The following TSPAN17 variants were observed in gnomAD, a reference collection of about 807,000 sequenced individuals.
TSPAN17 encodes the protein tetraspanin 17.
TSPAN17 carries 33 observed loss-of-function variants against 40.5 expected under a neutral mutation model. The observed-to-expected ratio is 0.81, with a 90% CI of 0.62 to 1.09. The LOEUF is 1.09. Ranked by LOEUF, TSPAN17 falls within the 50% of genes least tolerant of loss-of-function variation. The pLI is 0.00. For synonymous variants in TSPAN17, 166 were observed against 169.4 expected, an observed-to-expected ratio of 0.98 and a Z score of 0.15; for missense variants, 365 against 416.8, an observed-to-expected ratio of 0.88 and a Z score of 1.08.
At chr5:176,648,475 A>G (rs1352505465) in intron 1 of TSPAN17, among the ~76,000 whole-genome samples, 4 of 152,142 alleles carry the variant, frequency 2.6e-5, no homozygotes, top group African/African-American at 9.7e-5. Context: ...CATCTCTCCA[A>G]AGCCGTGGCC....
Position 176,658,167 on chromosome 5 carries a change from A to G in TSPAN17, c.*469A>G, listed in dbSNP as rs748743. 0.76 allele frequency: 117,437 copies of G among 154,008 alleles called. 45,046 individuals carry two copies. Among genetic ancestry groups the G allele is most frequent in the Admixed American group, 0.82 (12,717 of 15,564 alleles). 9.5% of individuals were successfully genotyped at this position (154,008 alleles called of 1,614,324 possible). On this transcript the variant is annotated 3_prime_UTR_variant, in exon 9 of 9. Transcript: ENST00000508164. Reference sequence around the variant, plus strand: ...CCTAGGAGTCAAGTTCAGCATCTTCACCGTGGCTGCAGAGCTGCCTGATGG... The same window carrying G: ...CCTAGGAGTCAAGTTCAGCATCTTCGCCGTGGCTGCAGAGCTGCCTGATGG...
Position 176,656,829 on chromosome 5 carries a change from C to T in TSPAN17, c.747+13C>T. ...CGCCCTCCTCCAGGTACCCTTGTGG[C>T]CCCACGTGCCCCTCCCCTTGCCGGG... On this transcript the variant is annotated intron_variant, in intron 7 of 8. Coordinates refer to ENST00000508164, the MANE Select transcript of TSPAN17 (RefSeq NM_130465.5). The T allele has an allele frequency of 1.9e-6, 3 of 1,614,106 alleles. No homozygotes were observed. The highest frequency in any genetic ancestry group is 2.7e-5 in the African/African-American group (2 of 75,064).
At position 176,652,854 on chromosome 5, in the gene TSPAN17, G is replaced by T; in HGVS notation, c.397G>T (p.Val133Phe). 1 of 1,614,170 alleles carries T rather than the reference G, an allele frequency of 6.2e-7. No individual in the cohort carries two copies. Among genetic ancestry groups the T allele is most frequent in the Non-Finnish European group, 8.5e-7 (1 of 1,180,022 alleles). Residue 133 changes from valine to phenylalanine, a missense_variant, in exon 4 of 9, where the codon GTC becomes TTC. By Grantham distance (50) the Val-to-Phe change is conservative. Coordinates refer to ENST00000508164, the MANE Select transcript of TSPAN17 (RefSeq NM_130465.5). ...DQLNLFINNN[V>F]KAYRDDIDLQ... ...GCTCAACCTCTTCATCAACAACAAC[G>T]TCAAGGCCTACCGGGACGACATTGA... is the stretch of plus-strand genomic sequence containing the variant.
At position 176,650,688 on chromosome 5, in the gene TSPAN17, A is replaced by AG. The variant is rs1760932735; in HGVS notation, c.88-926dup. On this transcript the variant is annotated intron_variant, in intron 1 of 8. Transcript: ENST00000508164. The surrounding 1 kb of genome is among the most constrained non-coding windows in gnomAD (Gnocchi z 4.0). ...GGGGAGCCCACGGTCAGGGAAGGGA[A>AG]GGTGATAAAGGCCTTGGCCGTGGCT... is the stretch of plus-strand genomic sequence containing the variant. 6.6e-6 allele frequency among the ~76,000 whole-genome samples: 1 copy of AG among 152,148 alleles called. No homozygotes were observed. The highest frequency in any genetic ancestry group is 2.4e-5 in the African/African-American group (1 of 41,446).
At position 176,654,920 on chromosome 5, in the gene TSPAN17, C is replaced by T. The variant is rs372554386; in HGVS notation, c.482C>T (p.Pro161Leu). Residue 161 changes from proline (P) to leucine (L), a missense_variant, in exon 5 of 9, where the codon CCC becomes CTC. Physicochemically the swap from Pro to Leu is moderately conservative, Grantham distance 98. Coordinates refer to ENST00000508164, the MANE Select transcript of TSPAN17 (RefSeq NM_130465.5). This position sits in a 1 kb window ranked among gnomAD's most constrained non-coding sequence, Gnocchi z 4.3. ...EYWSCCGARG[P>L]NDWNLNIYFN... Reference sequence around the variant, plus strand: ...TGGTCTTGCTGCGGAGCCCGAGGCCCCAATGACTGGAACCTCAATATCTAC... The same window carrying T: ...TGGTCTTGCTGCGGAGCCCGAGGCCTCAATGACTGGAACCTCAATATCTAC... 7.4e-6 allele frequency: 12 copies of T among 1,613,818 alleles called. No individual in the cohort carries two copies. In the African/African-American group the frequency reaches 1.6e-4, roughly 22 times the overall value.
rs1326284598 is a variant in TSPAN17 at position 176,651,268 on chromosome 5, G to A, written c.88-348G>A. 6.6e-6 allele frequency among the ~76,000 whole-genome samples: 1 copy of A among 152,190 alleles called. No individual in the cohort carries two copies. The highest frequency in any genetic ancestry group is 1.9e-4 in the East Asian group (1 of 5,194). Reference sequence around the variant, plus strand: ...GGAACCCCAGCACCAGCTTCGGTCAGGTGTAGAGGCTCAGTATACTGGCGC... The same window carrying A: ...GGAACCCCAGCACCAGCTTCGGTCAAGTGTAGAGGCTCAGTATACTGGCGC... On this transcript the variant is annotated intron_variant, in intron 1 of 8. Transcript: ENST00000508164. The surrounding 1 kb of genome is among the most constrained non-coding windows in gnomAD (Gnocchi z 4.5).
At position 176,655,408 on chromosome 5, in the gene TSPAN17, G is replaced by A. The variant is rs545282909; in HGVS notation, c.582+388G>A. Among the ~76,000 whole-genome samples, 97 of 152,300 alleles carry A rather than the reference G, an allele frequency of 6.4e-4. No individual in the cohort carries two copies. In the South Asian group the frequency reaches 0.012, roughly 18 times the overall value. On this transcript the variant is annotated intron_variant, in intron 5 of 8. Coordinates refer to ENST00000508164, the MANE Select transcript of TSPAN17 (RefSeq NM_130465.5). ...GGGTTGCCTGGGTCATTGCCAGCCA[G>A]CACCCCACTGGGCCACCGTTGCAGG... is the stretch of plus-strand genomic sequence containing the variant.
chr5:176,656,114 C>T lies in TSPAN17; in HGVS notation c.619C>T (p.Arg207Trp), dbSNP rs574200061. The change falls in exon 6 of 9, where the codon CGG becomes TGG. Residue 207 changes from arginine to tryptophan, a missense_variant. Coordinates refer to ENST00000508164, the MANE Select transcript of TSPAN17 (RefSeq NM_130465.5). ...CAACACCCAGTGTGGCTACGACGTC[C>T]GGCTCAAACTGGTGAGAGGGGTAGG... ...VLNTQCGYDV[R>W]LKLELEQQGF... is the part of the protein sequence containing the mutation. The T allele has an allele frequency of 1.7e-5, 28 of 1,614,134 alleles. No homozygotes were observed. Among genetic ancestry groups the T allele is most frequent in the East Asian group, 6.7e-5 (3 of 44,872 alleles).
At position 176,655,460 on chromosome 5, in the gene TSPAN17, C is replaced by G. The variant is rs115991845; in HGVS notation, c.582+440C>G. Among the ~76,000 whole-genome samples, 1,395 of 152,262 alleles carry G rather than the reference C, an allele frequency of 9.2e-3. 18 individuals are homozygous for G. The highest frequency in any genetic ancestry group is 0.029 in the African/African-American group (1,206 of 41,536). ...TAGCAGGGAGTGGGGACCTCTGTCCCTTTACGACTTTCTTCAGGGCAGAAA... is the reference window on the plus strand; with the variant it reads ...TAGCAGGGAGTGGGGACCTCTGTCCGTTTACGACTTTCTTCAGGGCAGAAA... On this transcript the variant is annotated intron_variant, in intron 5 of 8. Transcript: ENST00000508164.
At position 176,651,522 on chromosome 5, in the gene TSPAN17, C is replaced by T. The variant is rs952205417; in HGVS notation, c.88-94C>T. 1 of 1,381,408 alleles carries T rather than the reference C, an allele frequency of 7.2e-7. No homozygotes were observed. Among genetic ancestry groups the T allele is most frequent in the African/African-American group, 1.5e-5 (1 of 68,634 alleles). 85.6% of individuals were successfully genotyped at this position (1,381,408 alleles called of 1,614,324 possible). ...TCACAGCCCTTGTGCCTCTTCCTCT[C>T]TCCGCTGGAAAGGCCCTGGCTACCG... On this transcript the variant is annotated intron_variant, in intron 1 of 8. Transcript: ENST00000508164. The surrounding 1 kb of genome is among the most constrained non-coding windows in gnomAD (Gnocchi z 4.5).
At position 176,651,850 on chromosome 5, in the gene TSPAN17, T is replaced by C; in HGVS notation, c.235T>C (p.Phe79Leu). The change falls in exon 3 of 9, where the codon TTT (phenylalanine) becomes CTT (leucine). Residue 79 changes from phenylalanine (F) to leucine (L), a missense_variant. By Grantham distance (22) the Phe-to-Leu change is conservative. Transcript: ENST00000508164. The surrounding 1 kb of genome is among the most constrained non-coding windows in gnomAD (Gnocchi z 4.5). ...VVGGVMSVLG[F>L]AGCIGALREN... The stretch of plus-strand genomic sequence containing the variant: ...TGGAGGCGTCATGTCGGTGCTGGGC[T>C]TTGCTGGCTGCATTGGGGCCCTCCG... The C allele has an allele frequency of 6.2e-7, 1 of 1,614,106 alleles. No individual in the cohort carries two copies. The highest frequency in any genetic ancestry group is 8.5e-7 in the Non-Finnish European group (1 of 1,180,012).
chr5:176,657,746 C>T lies in TSPAN17; in HGVS notation c.*48C>T. 2.0e-6 allele frequency: 3 copies of T among 1,524,560 alleles called. No individual in the cohort carries two copies. The highest frequency in any genetic ancestry group is 2.6e-6 in the Non-Finnish European group (3 of 1,140,466). 94.4% of individuals were successfully genotyped at this position (1,524,560 alleles called of 1,614,324 possible). On this transcript the variant is annotated 3_prime_UTR_variant, in exon 9 of 9. Transcript: ENST00000508164. ...CACAGCTTCTCTTGAAGAATGACCA[C>T]CTGGCTACGCCGGCTCTTCGGTGGC...
chr5:176,651,839 C>G lies in TSPAN17; in HGVS notation c.224C>G (p.Ser75Trp). The G allele has an allele frequency of 6.2e-7, 1 of 1,614,086 alleles. No homozygotes were observed. The highest frequency in any genetic ancestry group is 1.3e-5 in the African/African-American group (1 of 75,020). Residue 75 changes from serine to tryptophan, a missense_variant, in exon 3 of 9, where the codon TCG (serine) becomes TGG (tryptophan). Coordinates refer to ENST00000508164, the MANE Select transcript of TSPAN17 (RefSeq NM_130465.5). The surrounding 1 kb of genome is among the most constrained non-coding windows in gnomAD (Gnocchi z 4.5). Reference protein sequence around the residue: ...WLFVVVGGVMSVLGFAGCIGA... With the variant: ...WLFVVVGGVMWVLGFAGCIGA... Reference sequence around the variant, plus strand: ...TTTGTGGTAGTTGGAGGCGTCATGTCGGTGCTGGGCTTTGCTGGCTGCATT... The same window carrying G: ...TTTGTGGTAGTTGGAGGCGTCATGTGGGTGCTGGGCTTTGCTGGCTGCATT...
At chr5:176,655,795 C>T (rs997878240) in intron 5 of TSPAN17, among the ~76,000 whole-genome samples, 2 of 150,382 alleles carry the variant, frequency 1.3e-5, no homozygotes, top group African/African-American at 4.9e-5. Flanking sequence ...TAGCTACTTG[C>T]GAGGCTGAGG....
In TSPAN17 at chr5:176,657,518, G is replaced by T; in HGVS notation, c.810G>T (p.Trp270Cys). The change falls in exon 9 of 9, where the codon TGG becomes TGT. Residue 270 changes from tryptophan to cysteine, a missense_variant and splice_region_variant. Coordinates refer to ENST00000508164, the MANE Select transcript of TSPAN17 (RefSeq NM_130465.5). ...TTTCTTTCTCTTGCTTGCCTCTCAG[G>T]AGCAAATGGAATGATGACTTTGAAA... ...VSDIKAVKAN[W>C]SKWNDDFENH... The T allele has an allele frequency of 1.3e-6, 2 of 1,578,594 alleles. No individual in the cohort carries two copies. The highest frequency in any genetic ancestry group is 1.1e-5 in the South Asian group (1 of 87,416).
intron 1 of TSPAN17, among the ~76,000 whole-genome samples, chr5:176,649,042 C>T (rs1217758111): frequency 3.3e-5 from 5 of 152,052 alleles, no homozygotes; most frequent in Non-Finnish European, 5.9e-5. Flanking sequence ...GTTGCTGGGG[C>T]GGAGCGTGGG....
chr5:176,657,884 A>G lies in TSPAN17; in HGVS notation c.*186A>G, dbSNP rs553591432. The G allele has an allele frequency of 0.01, 11,604 of 1,142,806 alleles. 91 individuals are homozygous for G. Among genetic ancestry groups the G allele is most frequent in the Non-Finnish European group, 0.012 (10,283 of 847,464 alleles). 70.8% of individuals were successfully genotyped at this position (1,142,806 alleles called of 1,614,324 possible). On this transcript the variant is annotated 3_prime_UTR_variant, in exon 9 of 9. Transcript: ENST00000508164. Reference sequence around the variant, plus strand: ...CTAGGAGCTGGCCTCCCACCTCTGCAGGGTTATTCCCTGCACCTCGAGGCC... The same window carrying G: ...CTAGGAGCTGGCCTCCCACCTCTGCGGGGTTATTCCCTGCACCTCGAGGCC...
chr5:176,649,014 C>T (rs922401630), intron 1 of TSPAN17, among the ~76,000 whole-genome samples: 31 of 152,002 alleles, frequency 2.0e-4, no homozygotes, highest in East Asian at 7.7e-4. Flanking sequence ...GGGGAGCAGG[C>T]GTGAGAGACC....
rs375739201 is a variant in TSPAN17 at position 176,650,733 on chromosome 5, C to T, written c.88-883C>T. Among the ~76,000 whole-genome samples the T allele has an allele frequency of 5.9e-5, 9 of 152,264 alleles. No individual in the cohort carries two copies. The South Asian group carries it at 1.0e-3, about 18-fold the overall frequency. ...GTGGCTATGTGCTGAGGGGAAGGAG[C>T]CTGCAGATAAAGCAGGTGGGTGGGG... On this transcript the variant is annotated intron_variant, in intron 1 of 8. Coordinates refer to ENST00000508164, the MANE Select transcript of TSPAN17 (RefSeq NM_130465.5). The surrounding 1 kb of genome is among the most constrained non-coding windows in gnomAD (Gnocchi z 4.0).
Sources: allele counts gnomAD v4.1 joint callset (sites outside exome capture counted in the v4.1 genomes callset), GRCh38; gene constraint gnomAD v4.1.1; non-coding constraint Gnocchi (gnomAD v3.1); transcripts MANE v1.5; gene names NCBI Gene and HGNC (gene_info 2026-07-23, HGNC 2026-07-21).